The following SENP7 variants were observed in gnomAD, a reference collection of about 807,000 sequenced individuals.
SENP7 encodes the protein sentrin-specific protease 7.
SENP7 carries 64 observed loss-of-function variants against 141.2 expected under a neutral mutation model. That is an observed-to-expected ratio of 0.45 (90% CI 0.37 to 0.56). The LOEUF (loss-of-function observed/expected upper bound fraction) is 0.56. SENP7 is among the 20% of genes least tolerant of loss of function. SENP7 has a pLI of 0.00. For synonymous variants in SENP7, 382 were observed against 426.4 expected (o/e 0.90, Z 1.28); for missense variants, 1,025 against 1,212.2 (o/e 0.85, Z 2.29).
intron 3 of SENP7, among the ~76,000 whole-genome samples, chr3:101,484,001 T>G (rs950012909): frequency 6.6e-6 from 1 of 152,012 alleles, no homozygotes; most frequent in African/African-American, 2.4e-5. Flanking sequence ...CACTCCAGCC[T>G]GGGCAACAGA....
chr3:101,463,914 T>C (rs918453839), intron 3 of SENP7, among the ~76,000 whole-genome samples: 2 of 152,154 alleles, frequency 1.3e-5, no homozygotes, highest in African/African-American at 4.8e-5. Context: ...AACCTCCGCC[T>C]CCCAGGTTCA....
At position 101,366,546 on chromosome 3, in the gene SENP7, T is replaced by C; in HGVS notation, c.1202A>G (p.Asp401Gly). The change falls in exon 9 of 24, where the codon GAT (aspartate) becomes GGT (glycine). Residue 401 changes from aspartate (D) to glycine (G), a missense_variant. Coordinates refer to ENST00000394095, the MANE Select transcript of SENP7 (RefSeq NM_020654.5). ...TETVENSNSI[D>G]IVGISSLVEK... ...AACCAGGGAAGAAATCCCCACAATA[T>C]CAATGGAATTAGAGTTCTCAACGGT... The C allele has an allele frequency of 6.2e-7, 1 of 1,613,810 alleles. No individual in the cohort carries two copies.
At chr3:101,444,495 A>G (rs1253214667) in intron 4 of SENP7, among the ~76,000 whole-genome samples, 1 of 152,044 alleles carries the variant, frequency 6.6e-6, no homozygotes, top group African/African-American at 2.4e-5. Flanking sequence ...ACCAACCCAA[A>G]TGTCCAACAA....
intron 3 of SENP7, among the ~76,000 whole-genome samples, chr3:101,476,612 A>G (rs1300694431): frequency 1.8e-4 from 28 of 152,276 alleles, no homozygotes; most frequent in Non-Finnish European, 8.8e-5. Flanking sequence ...GGGTATATAT[A>G]CCCAGTAATG....
chr3:101,380,223 A>G (rs2060457442), intron 6 of SENP7, among the ~76,000 whole-genome samples: 1 of 152,144 alleles, frequency 6.6e-6, no homozygotes, highest in Non-Finnish European at 1.5e-5. Flanking sequence ...AGTTTGGTAA[A>G]AATGAAAAAA....
intron 3 of SENP7, among the ~76,000 whole-genome samples, chr3:101,475,668 T>G (rs1163080406): frequency 1.3e-5 from 2 of 152,080 alleles, no homozygotes; most frequent in African/African-American, 4.8e-5. Flanking sequence ...TTAACAAATC[T>G]GCACATCCTG....
At chr3:101,338,082 G>C (rs563982385) in intron 16 of SENP7, among the ~76,000 whole-genome samples, 17 of 151,626 alleles carry the variant, frequency 1.1e-4, no homozygotes, top group East Asian at 7.8e-4. Context: ...GAACCCGAGA[G>C]GCAGAGGTTG....
intron 3 of SENP7, among the ~76,000 whole-genome samples, chr3:101,464,855 G>T (rs1222478144): frequency 2.0e-5 from 3 of 151,754 alleles, no homozygotes; most frequent in Admixed American, 6.6e-5. Flanking sequence ...ACTAAAAAGG[G>T]GTAAGTGGAT....
intron 4 of SENP7, among the ~76,000 whole-genome samples, chr3:101,435,389 C>T (rs2062346340): frequency 6.6e-6 from 1 of 152,060 alleles, no homozygotes; most frequent in Admixed American, 6.6e-5. Flanking sequence ...ACAAGGATGT[C>T]TACTGTCACC....
intron 6 of SENP7, among the ~76,000 whole-genome samples, chr3:101,384,340 G>A (rs534758808): frequency 5.9e-5 from 9 of 152,364 alleles, no homozygotes; most frequent in African/African-American, 1.2e-4. Context: ...CTCTTGCCAC[G>A]TTGCGGGTGA....
intron 9 of SENP7, 150 bp from the exon 10 acceptor site, chr3:101,365,141 T>G: frequency 2.3e-6 from 1 of 430,626 alleles, no homozygotes. Flanking sequence ...TAGCTGGAAT[T>G]ACAGGCATGC....
At chr3:101,443,981 C>T (rs1331350750) in intron 4 of SENP7, among the ~76,000 whole-genome samples, 3 of 149,212 alleles carry the variant, frequency 2.0e-5, no homozygotes, top group Non-Finnish European at 3.0e-5. Context: ...AAAATTTTTG[C>T]AACCTACTCA....
intron 1 of SENP7, among the ~76,000 whole-genome samples, chr3:101,505,059 T>C (rs2108186119): frequency 6.6e-6 from 1 of 151,806 alleles, no homozygotes; most frequent in Admixed American, 6.6e-5. Flanking sequence ...AGCGAAACCA[T>C]TTCAAAAAGA....
At chr3:101,459,855 G>A (rs544437080) in intron 3 of SENP7, among the ~76,000 whole-genome samples, 7 of 152,198 alleles carry the variant, frequency 4.6e-5, no homozygotes, top group Admixed American at 1.3e-4. Context: ...ATATAAGATC[G>A]AAAGGCCAAA....
intron 23 of SENP7, among the ~76,000 whole-genome samples, chr3:101,327,232 T>C (rs1010482858): frequency 1.3e-5 from 2 of 152,068 alleles, no homozygotes; most frequent in African/African-American, 2.4e-5. Flanking sequence ...CCCAGTGATA[T>C]AGTTTTGCTG....
chr3:101,341,493 C>T (rs2059325331), intron 15 of SENP7, among the ~76,000 whole-genome samples, 153 bp downstream of exon 15: 1 of 152,040 alleles, frequency 6.6e-6, no homozygotes, highest in Admixed American at 6.5e-5. Flanking sequence ...TTTTTAACTT[C>T]CTCATAATTT....
intron 4 of SENP7, among the ~76,000 whole-genome samples, chr3:101,447,615 T>C (rs2062944953): frequency 6.6e-6 from 1 of 152,184 alleles, no homozygotes; most frequent in Admixed American, 6.5e-5. Flanking sequence ...AGACATCCCA[T>C]GTTTATTAAT....
intron 5 of SENP7, among the ~76,000 whole-genome samples, chr3:101,414,023 A>T (rs1280792669): frequency 6.6e-6 from 1 of 152,230 alleles, no homozygotes; most frequent in Non-Finnish European, 1.5e-5. Flanking sequence ...ACAACAACAT[A>T]AAGAATAAAA....
chr3:101,444,217 G>A (rs1264572599), intron 4 of SENP7, among the ~76,000 whole-genome samples: 3 of 141,448 alleles, frequency 2.1e-5, no homozygotes, highest in Middle Eastern at 3.5e-3. Context: ...AGTTAGAATG[G>A]CGATCATTAA....
Sources: gnomAD v4.1 joint callset for allele counts (sites outside exome capture counted in the v4.1 genomes callset) on GRCh38, gnomAD v4.1.1 for gene constraint, MANE v1.5 for transcripts, NCBI Gene and HGNC (gene_info 2026-07-23, HGNC 2026-07-21) for gene names.